Variants in ZNF584 observed in about 807,000 individuals in gnomAD.
ZNF584 encodes zinc finger protein 584.
ZNF584 carries 12 observed loss-of-function variants against 14.7 expected under a neutral mutation model. The ratio of observed to expected loss-of-function variants is 0.82; its 90% CI spans 0.52 to 1.32. The LOEUF (loss-of-function observed/expected upper bound fraction) is 1.32. Ranked by LOEUF, ZNF584 falls within the 40% of genes most tolerant of loss-of-function variation. The pLI is 0.00. For synonymous variants in ZNF584, 204 were observed against 190.9 expected (o/e 1.07, Z -0.57); for missense variants, 478 against 518.8 (o/e 0.92, Z 0.76).
rs1456308755 is a variant in ZNF584, at chr19:58,416,801, C to G, written c.293-10C>G. On this transcript the variant is annotated splice_polypyrimidine_tract_variant and intron_variant, in intron 3 of 3. Transcript: ENST00000306910. ...TTCAACTCTTAGTAATGATTCATCT[C>G]TGCTTTCAGATGGTTTGTGTAGAGT... is the stretch of plus-strand genomic sequence containing the variant. 2.0e-6 allele frequency: 3 copies of G among 1,528,198 alleles called. No homozygotes were observed. Among genetic ancestry groups the G allele is most frequent in the East Asian group, 2.3e-5 (1 of 44,272 alleles). The allele number at this position is 1,528,198 out of a possible 1,614,324, so 94.7% of individuals were successfully genotyped here.
chr19:58,408,814 G>T lies in ZNF584; in HGVS notation c.-334G>T. 1 of 277,592 alleles carries T rather than the reference G, an allele frequency of 3.6e-6. No individual in the cohort carries two copies. The highest frequency in any genetic ancestry group is 1.4e-4 in the South Asian group (1 of 6,966). The allele number at this position is 277,592 out of a possible 1,614,324, so 17.2% of individuals were successfully genotyped here. ...GAAGGCTGTCCCGGCGCCTCAGGCAGCTCTGCGTGGGCCGGGGTGACTTCC... is the reference window on the plus strand; with the variant it reads ...GAAGGCTGTCCCGGCGCCTCAGGCATCTCTGCGTGGGCCGGGGTGACTTCC... On this transcript the variant is annotated 5_prime_UTR_variant, in exon 1 of 4. Coordinates refer to ENST00000306910, the MANE Select transcript of ZNF584 (RefSeq NM_173548.3).
chr19:58,405,706 C>A, upstream of ZNF584: 1 of 169,504 alleles, frequency 5.9e-6, no homozygotes, highest in Non-Finnish European at 1.3e-5. Flanking sequence ...ACATCCCGGA[C>A]GGGGCGGCAG....
chr19:58,411,712 C>T (rs1430290821), intron 2 of ZNF584, among the ~76,000 whole-genome samples: 8 of 151,044 alleles, frequency 5.3e-5, no homozygotes, highest in South Asian at 2.1e-4. Context: ...GGCGCGATCT[C>T]GGCTCACTGC....
At position 58,415,609 on chromosome 19, in the gene ZNF584, A is replaced by T; in HGVS notation, c.255A>T (p.Pro85=). Reference sequence around the variant, plus strand: ...TGCCCAGCTGGGTGGATGTGACTCCAGTCAGCAGAGCAGAAGCCAGGAGAG... The same window carrying T: ...TGCCCAGCTGGGTGGATGTGACTCCTGTCAGCAGAGCAGAAGCCAGGAGAG... ...SWVPSWVDVT[P]VSRAEARRGF... is the part of the protein sequence containing the mutation. The change falls in exon 3 of 4, where the codon CCA becomes CCT. Residue 85 remains proline (P), a synonymous_variant. Coordinates refer to ENST00000306910, the MANE Select transcript of ZNF584 (RefSeq NM_173548.3). 1 of 1,614,134 alleles carries T rather than the reference A, an allele frequency of 6.2e-7. No individual in the cohort carries two copies. Among genetic ancestry groups the T allele is most frequent in the Non-Finnish European group, 8.5e-7 (1 of 1,180,010 alleles).
chr19:58,414,600 C>T (rs1263358249), intron 2 of ZNF584, among the ~76,000 whole-genome samples: 5 of 152,006 alleles, frequency 3.3e-5, no homozygotes, highest in African/African-American at 1.2e-4. Context: ...TCTCGGCCTC[C>T]CAAAGTGCTG....
intron 2 of ZNF584, among the ~76,000 whole-genome samples, chr19:58,413,340 C>A (rs968258873): frequency 2.6e-5 from 4 of 151,316 alleles, no homozygotes; most frequent in Admixed American, 1.3e-4. Context: ...TTTTCTTTTT[C>A]TTTTTCTTTT....
At chr19:58,412,582 G>A (rs1030032334) in intron 2 of ZNF584, among the ~76,000 whole-genome samples, 1 of 152,188 alleles carries the variant, frequency 6.6e-6, no homozygotes, top group Non-Finnish European at 1.5e-5. Flanking sequence ...GAGATTACAG[G>A]TGTGAGCCAC....
At position 58,408,773 on chromosome 19, in the gene ZNF584, C is replaced by A. The variant is rs2052500218; in HGVS notation, c.-375C>A. ...GGGAGTTCCGGCGTTGCCCGGCAGT[C>A]CGCAGTCCTCGGCGGGAAGGCTGTC... On this transcript the variant is annotated 5_prime_UTR_variant, in exon 1 of 4. Coordinates refer to ENST00000306910, the MANE Select transcript of ZNF584 (RefSeq NM_173548.3). 4.8e-6 allele frequency: 1 copy of A among 208,050 alleles called. No individual in the cohort carries two copies. Among genetic ancestry groups the A allele is most frequent in the East Asian group, 9.9e-5 (1 of 10,052 alleles). 12.9% of individuals were successfully genotyped at this position (208,050 alleles called of 1,614,324 possible).
chr19:58,412,197 G>GCCTTTTTTT lies in ZNF584; in HGVS notation c.169+2106_169+2107insCCTTTTTTT, dbSNP rs1225346355. Among the ~76,000 whole-genome samples, 62 of 97,946 alleles carry GCCTTTTTTT rather than the reference G, an allele frequency of 6.3e-4. 3 individuals are homozygous for GCCTTTTTTT. The highest frequency in any genetic ancestry group is 3.1e-3 in the African/African-American group (55 of 17,956). The allele number at this position is 97,946 out of a possible 152,430, so 64.3% of individuals were successfully genotyped here. Reference sequence around the variant, plus strand: ...GGGTTTCACCATGTTGGCCAGGGTGGTCTTTTTTTTTTTTTTTTTTTTTGA... The same window carrying GCCTTTTTTT: ...GGGTTTCACCATGTTGGCCAGGGTGGCCTTTTTTTTCTTTTTTTTTTTTTTTTTTTTTGA... On this transcript the variant is annotated intron_variant, in intron 2 of 3. Transcript: ENST00000306910.
In ZNF584 at chr19:58,415,530, C is replaced by T; in HGVS notation, c.176C>T (p.Ala59Val). 6.2e-7 allele frequency: 1 copy of T among 1,612,376 alleles called. No individual in the cohort carries two copies. Among genetic ancestry groups the T allele is most frequent in the Non-Finnish European group, 8.5e-7 (1 of 1,178,622 alleles). The change falls in exon 3 of 4, where the codon GCA becomes GTA. Residue 59 changes from alanine (A) to valine (V), a missense_variant. Ala to Val is a moderately conservative substitution (Grantham distance 64, BLOSUM62 0). Around this residue, in one of 3 missense-constraint regions of ZNF584, gnomAD observed 189 missense variants for 177.9 expected, o/e 1.06. Coordinates refer to ENST00000306910, the MANE Select transcript of ZNF584 (RefSeq NM_173548.3). ...TACTACCTGTCACCCGCAGGACTTG[C>T]ACCTTCGAGATCCCCTGTGTTTACC... is the stretch of plus-strand genomic sequence containing the variant. ...NFALVSSLGL[A>V]PSRSPVFTQL...
chr19:58,413,729 G>C (rs1042750437), intron 2 of ZNF584, among the ~76,000 whole-genome samples: 1 of 151,582 alleles, frequency 6.6e-6, no homozygotes, highest in Non-Finnish European at 1.5e-5. Flanking sequence ...TTGAACTCCA[G>C]ACCACAGGTG....
chr19:58,412,510 G>C (rs929811300), intron 2 of ZNF584, among the ~76,000 whole-genome samples: 1 of 152,120 alleles, frequency 6.6e-6, no homozygotes, highest in Non-Finnish European at 1.5e-5. Context: ...CGCCCGGCCT[G>C]GCCAGGGTGG....
intron 3 of ZNF584, chr19:58,415,882 A>C: frequency 6.3e-7 from 1 of 1,599,232 alleles, no homozygotes; most frequent in East Asian, 2.2e-5. Flanking sequence ...ATCTGTGCAG[A>C]GCTGTCTACT....
chr19:58,407,757 C>T (rs945089862), upstream of ZNF584, among the ~76,000 whole-genome samples: 30 of 152,330 alleles, frequency 2.0e-4, no homozygotes, highest in African/African-American at 6.7e-4. Flanking sequence ...GGCCCACCTG[C>T]TCTAACATGA....
At chr19:58,411,027 T>C (rs1407621791) in intron 2 of ZNF584, among the ~76,000 whole-genome samples, 1 of 151,184 alleles carries the variant, frequency 6.6e-6, no homozygotes, top group Non-Finnish European at 1.5e-5. Flanking sequence ...CCGGACCTCA[T>C]GATCTGCCTG....
rs146144368 is a variant in ZNF584, at chr19:58,409,957, C to G, written c.35C>G (p.Ser12Ter). 718 of 1,614,084 alleles carry G rather than the reference C, an allele frequency of 4.4e-4. No homozygotes were observed. Among genetic ancestry groups the G allele is most frequent in the Non-Finnish European group, 5.8e-4 (680 of 1,180,014 alleles). The change falls in exon 2 of 4, where the codon TCA becomes TGA. Residue 12 changes from serine to a stop codon, truncating the protein, a stop_gained. Transcript: ENST00000306910. LOFTEE classifies it high-confidence loss of function. ...AGEAEAQLDPSLQGLVMFEDV... is the reference protein window; with the variant it reads ...AGEAEAQLDP ...GACCCCAAGGCTCAGTTGGACCCAT[C>G]ATTGCAGGGCTTGGTGATGTTTGAG... is the stretch of plus-strand genomic sequence containing the variant.
rs184842237 is a variant in ZNF584, at chr19:58,410,721, A to G, written c.169+630A>G. The stretch of plus-strand genomic sequence containing the variant: ...TATATATATGTATATATGTGTATAT[A>G]TATATGTATATATATATATGTGTGT... On this transcript the variant is annotated intron_variant, in intron 2 of 3. Coordinates refer to ENST00000306910, the MANE Select transcript of ZNF584 (RefSeq NM_173548.3). Among the ~76,000 whole-genome samples, 45 of 48,646 alleles carry G rather than the reference A, an allele frequency of 9.3e-4. 6 individuals are homozygous for G. The highest frequency in any genetic ancestry group is 1.2e-3 in the Non-Finnish European group (36 of 29,440). 31.9% of individuals were successfully genotyped at this position (48,646 alleles called of 152,430 possible). A position where few individuals can be genotyped will look rare whatever the true frequency, so the allele number is the denominator to read the frequency against.
chr19:58,410,599 A>ATG (rs2052545427), intron 2 of ZNF584, among the ~76,000 whole-genome samples: 2 of 40,784 alleles, frequency 4.9e-5, no homozygotes, highest in African/African-American at 4.9e-4. Flanking sequence ...ATATGTATAT[A>ATG]TATGTATATA....
At position 58,409,006 on chromosome 19, in the gene ZNF584, C is replaced by G; in HGVS notation, c.-142C>G. The stretch of plus-strand genomic sequence containing the variant: ...CCTCCTTCCCAGCGGCTCCGGGAAG[C>G]GGTTCCCTGTCTTCGGACGCATTTC... On this transcript the variant is annotated 5_prime_UTR_variant, in exon 1 of 4. Transcript: ENST00000306910. 9.1e-7 allele frequency: 1 copy of G among 1,093,616 alleles called. No individual in the cohort carries two copies. Among genetic ancestry groups the G allele is most frequent in the Non-Finnish European group, 1.2e-6 (1 of 802,922 alleles). 67.7% of individuals were successfully genotyped at this position (1,093,616 alleles called of 1,614,324 possible).
Sources: allele counts gnomAD v4.1 joint callset (sites outside exome capture counted in the v4.1 genomes callset), GRCh38; gene constraint gnomAD v4.1.1; regional missense constraint gnomAD v4.1.1; transcripts MANE v1.5; gene names NCBI Gene and HGNC (gene_info 2026-07-23, HGNC 2026-07-21).